Variants in TTLL5 observed in about 807,000 individuals in gnomAD.
TTLL5 encodes tubulin polyglutamylase TTLL5.
In TTLL5, 132 loss-of-function variants were observed where a neutral mutation model predicts 168.4. That is an observed-to-expected ratio of 0.78 (90% CI 0.68 to 0.91). The LOEUF (loss-of-function observed/expected upper bound fraction) is 0.91. TTLL5 is among the 40% of genes least tolerant of loss of function. The pLI is 0.00. For missense variants in TTLL5, 1,545 were observed against 1,581.5 expected (o/e 0.98, Z 0.39); for synonymous variants, 546 against 558.6 (o/e 0.98, Z 0.32).
chr14:75,678,480 A>G (rs905829779), intron 3 of TTLL5, among the ~76,000 whole-genome samples: 2 of 152,170 alleles, frequency 1.3e-5, no homozygotes, highest in African/African-American at 4.8e-5. Context: ...TTAGTCTTCT[A>G]TAGTGGTTTT....
intron 6 of TTLL5, among the ~76,000 whole-genome samples, chr14:75,692,831 G>A (rs577850309): frequency 6.6e-6 from 1 of 152,226 alleles, no homozygotes; most frequent in South Asian, 2.1e-4. Flanking sequence ...TTTTGGACAG[G>A]GTATGGATTT....
intron 30 of TTLL5, among the ~76,000 whole-genome samples, chr14:75,883,861 G>T (rs1023726365): frequency 1.3e-5 from 2 of 152,190 alleles, no homozygotes; most frequent in African/African-American, 4.8e-5. Context: ...GCAGTTTGTG[G>T]TTGAATGCCA....
chr14:75,870,976 A>G (rs1391631580), intron 29 of TTLL5, among the ~76,000 whole-genome samples: 2 of 151,946 alleles, frequency 1.3e-5, no homozygotes, highest in African/African-American at 4.8e-5. Context: ...TTGTATTTTT[A>G]GTAGAGACAG....
chr14:75,705,657 G>T (rs1175235762), intron 7 of TTLL5, among the ~76,000 whole-genome samples: 1 of 152,184 alleles, frequency 6.6e-6, no homozygotes, highest in Non-Finnish European at 1.5e-5. Flanking sequence ...CCTGTGAACA[G>T]ACTTAGAACA....
At chr14:75,923,100 T>C (rs1280246786) in intron 31 of TTLL5, among the ~76,000 whole-genome samples, 1 of 152,246 alleles carries the variant, frequency 6.6e-6, no homozygotes, top group Non-Finnish European at 1.5e-5. Context: ...TTCTCTGTTT[T>C]ATTCTTTATT....
At chr14:75,881,486 C>T (rs546210281) in intron 29 of TTLL5, among the ~76,000 whole-genome samples, 1 of 152,274 alleles carries the variant, frequency 6.6e-6, no homozygotes, top group Admixed American at 6.5e-5. Context: ...TTATGTCATG[C>T]ATATAGAAGG....
chr14:75,744,944 C>T, intron 15 of TTLL5, 151 bp from the exon 16 acceptor site: 1 of 630,486 alleles, frequency 1.6e-6, no homozygotes, highest in Non-Finnish European at 2.7e-6. Flanking sequence ...TTCCAGGGTT[C>T]CAGGCTGAGA....
At chr14:75,846,476 C>A (rs1896546098) in intron 28 of TTLL5, among the ~76,000 whole-genome samples, 1 of 152,078 alleles carries the variant, frequency 6.6e-6, no homozygotes, top group African/African-American at 2.4e-5. Flanking sequence ...ACCATGATAT[C>A]ATGATAAGAT....
At position 75,863,936 on chromosome 14, in the gene TTLL5, G is replaced by GA. The variant is rs1298428665; in HGVS notation, c.3522+74_3522+75insA. On this transcript the variant is annotated intron_variant, in intron 29 of 31. Coordinates refer to ENST00000298832, the MANE Select transcript of TTLL5 (RefSeq NM_015072.5). ...TAAAAAAAAAAAAAAAAAAAAAAAG[G>GA]TCAGTGAATGAGAAATGTAGGATTA... 0.031 allele frequency: 20,181 copies of GA among 653,328 alleles called. 761 individuals carry two copies. The highest frequency in any genetic ancestry group is 0.23 in the African/African-American group (5,212 of 22,812). 40.5% of individuals were successfully genotyped at this position (653,328 alleles called of 1,614,324 possible).
At chr14:75,811,116 G>T (rs1200274039) in intron 27 of TTLL5, among the ~76,000 whole-genome samples, 3 of 72,796 alleles carry the variant, frequency 4.1e-5, no homozygotes, top group Non-Finnish European at 8.2e-5. Flanking sequence ...GTGGGAGGGA[G>T]AAATAGAGGG....
At chr14:75,771,979 A>T (rs2140309535) in intron 21 of TTLL5, 125 bp downstream of exon 21, 1 of 1,096,398 alleles carries the variant, frequency 9.1e-7, no homozygotes, top group East Asian at 2.7e-5. Context: ...TTATGTAAGA[A>T]GGTTTTTAGA....
chr14:75,851,095 CAAAAAAAAAA>C (rs35393032), intron 28 of TTLL5, among the ~76,000 whole-genome samples: 1 of 95,952 alleles, frequency 1.0e-5, no homozygotes, highest in Middle Eastern at 6.1e-3. Context: ...GACCTTGTCT[CAAAAAAAAAA>C]AAAAAAAAAA....
At chr14:75,931,519 T>G (rs573716620) in intron 31 of TTLL5, among the ~76,000 whole-genome samples, 1 of 152,302 alleles carries the variant, frequency 6.6e-6, no homozygotes. Flanking sequence ...TACTACAGTG[T>G]TTTCCAGACG....
At chr14:75,878,766 A>T (rs2031639013) in intron 29 of TTLL5, among the ~76,000 whole-genome samples, 1 of 152,222 alleles carries the variant, frequency 6.6e-6, no homozygotes, top group South Asian at 2.1e-4. Flanking sequence ...TATATAAAAC[A>T]TCAGTATCTA....
rs192272146 is a variant in TTLL5, at chr14:75,687,770, A to C, written c.372-2422A>C. 1.4e-3 allele frequency among the ~76,000 whole-genome samples: 213 copies of C among 152,340 alleles called. 1 individual carries two copies. Among genetic ancestry groups the C allele is most frequent in the African/African-American group, 5.0e-3 (208 of 41,588 alleles). The stretch of plus-strand genomic sequence containing the variant: ...AACTTTATTTTTCAAAGTGGGTAAA[A>C]TATCTGAATGGATGCCTCACCAAAG... On this transcript the variant is annotated intron_variant, in intron 5 of 31. Transcript: ENST00000298832.
chr14:75,720,440 T>C (rs1390066999), intron 11 of TTLL5, among the ~76,000 whole-genome samples, 156 bp from the exon 12 acceptor site: 5 of 152,218 alleles, frequency 3.3e-5, no homozygotes, highest in Admixed American at 3.3e-4. Flanking sequence ...TGTTCACAGA[T>C]ATGCCTGCCT....
At chr14:75,925,822 GCGGATCACT>G (rs1366636642) in intron 31 of TTLL5, among the ~76,000 whole-genome samples, 2 of 152,040 alleles carry the variant, frequency 1.3e-5, no homozygotes, top group Non-Finnish European at 2.9e-5. Context: ...GCCGAGGCTG[GCGGATCACT>G]CGCGGTTAGG....
At chr14:75,834,648 T>G (rs560661265) in intron 28 of TTLL5, among the ~76,000 whole-genome samples, 2 of 152,310 alleles carry the variant, frequency 1.3e-5, no homozygotes, top group African/African-American at 4.8e-5. Context: ...TGGGCAGTTC[T>G]TTAGCCTACT....
chr14:75,782,623 A>C (rs1892124766), intron 25 of TTLL5, 50 bp downstream of exon 25: 1 of 1,435,352 alleles, frequency 7.0e-7, no homozygotes, highest in Non-Finnish European at 9.7e-7. Flanking sequence ...ATAATTTCCT[A>C]AAAGAAGGAA....
Sources: gnomAD v4.1 joint callset for allele counts (sites outside exome capture counted in the v4.1 genomes callset) on GRCh38, gnomAD v4.1.1 for gene constraint, MANE v1.5 for transcripts, NCBI Gene and HGNC (gene_info 2026-07-23, HGNC 2026-07-21) for gene names.